UTRN: variants seen among roughly 807,000 people sequenced by gnomAD.
UTRN encodes dystrophin-related protein 1.
UTRN carries 283 observed loss-of-function variants against 463.9 expected under a neutral mutation model. The ratio of observed to expected loss-of-function variants is 0.61; its 90% confidence interval spans 0.55 to 0.67. UTRN has a LOEUF of 0.67. Ranked by LOEUF, UTRN falls within the 30% of genes least tolerant of loss-of-function variation. UTRN has a pLI of 0.00. For synonymous variants in UTRN, 1,442 were observed against 1,431.5 expected (o/e 1.01, Z -0.17); for missense variants, 3,922 against 4,084.3 (o/e 0.96, Z 1.08).
Position 144,675,778 on chromosome 6 carries a change from A to G in UTRN, c.7480-2628A>G, listed in dbSNP as rs1781526040. Among the ~76,000 whole-genome samples the G allele has an allele frequency of 2.0e-5, 3 of 152,182 alleles. No individual in the cohort carries two copies. The South Asian group carries it at 6.2e-4, about 32-fold the overall frequency. ...GTTGCTTCCTTGAAAGGGTCTGTGAATTCTTTTGGTTTTCCTGGTATGTTC... is the reference window on the plus strand; with the variant it reads ...GTTGCTTCCTTGAAAGGGTCTGTGAGTTCTTTTGGTTTTCCTGGTATGTTC... On this transcript the variant is annotated intron_variant, in intron 51 of 74. Transcript: ENST00000367545.
intron 68 of UTRN, 49 bp from the exon 69 acceptor site, chr6:144,828,741 C>G (rs753700377): frequency 6.4e-7 from 1 of 1,551,224 alleles, no homozygotes; most frequent in South Asian, 1.1e-5. Flanking sequence ...TCCAATTGAC[C>G]ATGTCCTATA....
chr6:144,354,393 A>T (rs1778374241), intron 2 of UTRN, among the ~76,000 whole-genome samples: 1 of 152,196 alleles, frequency 6.6e-6, no homozygotes, highest in South Asian at 2.1e-4. Context: ...CACCGAAAGG[A>T]CAATGCAAGT....
intron 2 of UTRN, among the ~76,000 whole-genome samples, chr6:144,392,428 T>C (rs1426281670): frequency 6.6e-6 from 1 of 152,238 alleles, no homozygotes; most frequent in Non-Finnish European, 1.5e-5. Flanking sequence ...GGGGCATGTC[T>C]AGAAAATATT....
chr6:144,342,418 A>T (rs1034065288), intron 2 of UTRN, among the ~76,000 whole-genome samples: 2 of 152,068 alleles, frequency 1.3e-5, no homozygotes, highest in African/African-American at 4.8e-5. Flanking sequence ...CACATCAAAA[A>T]CGTGTACACA....
chr6:144,350,271 T>A (rs991354733), intron 2 of UTRN, among the ~76,000 whole-genome samples: 17 of 149,774 alleles, frequency 1.1e-4, no homozygotes, highest in African/African-American at 3.8e-4. Context: ...AAAAAAAAAA[T>A]GTAATGCAAA....
intron 45 of UTRN, 54 bp from the exon 46 acceptor site, chr6:144,542,741 A>C: frequency 9.0e-6 from 14 of 1,550,836 alleles, no homozygotes; most frequent in Non-Finnish European, 1.1e-5. Context: ...TTTGAACTAC[A>C]GTCATCTTTA....
chr6:144,715,030 A>G (rs1420938032), intron 53 of UTRN, among the ~76,000 whole-genome samples: 1 of 151,996 alleles, frequency 6.6e-6, no homozygotes, highest in Non-Finnish European at 1.5e-5. Flanking sequence ...CCTTCTCTGT[A>G]TTCACTCCTT....
At position 144,721,621 on chromosome 6, in the gene UTRN, G is replaced by T. The variant is rs1164295019; in HGVS notation, c.7810-8736G>T. On this transcript the variant is annotated intron_variant, in intron 53 of 74. Transcript: ENST00000367545. ...ATACAATTTGTCTGGGAGGGGAATT[G>T]AAGGTCTTTTCACATATCTACTACA... Among the ~76,000 whole-genome samples, 3 of 152,154 alleles carry T rather than the reference G, an allele frequency of 2.0e-5. No homozygotes were observed. In the East Asian group the frequency reaches 5.8e-4, roughly 29 times the overall value.
At position 144,437,475 on chromosome 6, in the gene UTRN, CA is replaced by C. The variant is rs150484458; in HGVS notation, c.1060-89del. ...AGGCTACCTTTTTCTGCATCACTGACATTTAGGTTAGGCATTAGCAATTTGT... is the reference window on the plus strand; with the variant it reads ...AGGCTACCTTTTTCTGCATCACTGACTTTAGGTTAGGCATTAGCAATTTGT... On this transcript the variant is annotated intron_variant, in intron 10 of 74. Transcript: ENST00000367545. The C allele has an allele frequency of 2.6e-3, 3,416 of 1,301,820 alleles. 72 individuals carry two copies. In the African/African-American group the frequency reaches 0.046, roughly 17 times the overall value. The allele number at this position is 1,301,820 out of a possible 1,614,324, so 80.6% of individuals were successfully genotyped here. A position where few individuals can be genotyped will look rare whatever the true frequency, so the allele number is the denominator to read the frequency against.
At chr6:144,789,004 C>T (rs533605734) in intron 61 of UTRN, among the ~76,000 whole-genome samples, 190 bp from the exon 62 acceptor site, 3 of 152,204 alleles carry the variant, frequency 2.0e-5, no homozygotes, top group Admixed American at 1.3e-4. Flanking sequence ...GCCAAACACC[C>T]TGTTAATATA....
chr6:144,566,522 T>G (rs757994436), intron 50 of UTRN, among the ~76,000 whole-genome samples: 9 of 152,090 alleles, frequency 5.9e-5, no homozygotes, highest in Non-Finnish European at 1.0e-4. Flanking sequence ...CAGGATTGCC[T>G]GTGGTCCATA....
intron 48 of UTRN, among the ~76,000 whole-genome samples, chr6:144,552,510 T>C (rs1033321177): frequency 6.6e-6 from 1 of 152,226 alleles, no homozygotes; most frequent in Non-Finnish European, 1.5e-5. Context: ...ACCTCTCTTT[T>C]TGTCCAAAAC....
At chr6:144,650,606 G>A (rs962413698) in intron 51 of UTRN, among the ~76,000 whole-genome samples, 1 of 152,156 alleles carries the variant, frequency 6.6e-6, no homozygotes, top group Non-Finnish European at 1.5e-5. Context: ...ATTCAATCTG[G>A]CTTTTAATAA....
At chr6:144,805,245 G>A (rs546342473) in intron 65 of UTRN, among the ~76,000 whole-genome samples, 105 of 152,180 alleles carry the variant, frequency 6.9e-4, no homozygotes, top group African/African-American at 2.5e-3. Flanking sequence ...TAAGATTGTG[G>A]ACTTCCTGCT....
At chr6:144,557,382 G>A in intron 50 of UTRN, 71 bp downstream of exon 50, 1 of 1,501,742 alleles carries the variant, frequency 6.7e-7, no homozygotes, top group Non-Finnish European at 8.9e-7. Flanking sequence ...GCTTTCTCGT[G>A]GAAACCTGCC....
chr6:144,777,207 A>G (rs1476673501), intron 60 of UTRN, among the ~76,000 whole-genome samples: 2 of 152,176 alleles, frequency 1.3e-5, no homozygotes, highest in African/African-American at 2.4e-5. Context: ...AGATGTGTCC[A>G]AGGAGATTTA....
At chr6:144,534,283 G>A (rs1303174354) in intron 43 of UTRN, among the ~76,000 whole-genome samples, 1 of 152,184 alleles carries the variant, frequency 6.6e-6, no homozygotes, top group Non-Finnish European at 1.5e-5. Flanking sequence ...TAGGAGTCAT[G>A]ACTCACCTCT....
In UTRN at chr6:144,717,877, C is replaced by A. The variant is rs556608528; in HGVS notation, c.7810-12480C>A. Among the ~76,000 whole-genome samples the A allele has an allele frequency of 5.2e-4, 79 of 152,042 alleles. 2 individuals are homozygous for A. Among genetic ancestry groups the A allele is most frequent in the African/African-American group, 1.8e-3 (75 of 41,478 alleles). On this transcript the variant is annotated intron_variant, in intron 53 of 74. Transcript: ENST00000367545. Reference sequence around the variant, plus strand: ...GTCTCGAACTCCTGACCTCATGATCCACCCGCCTCAGCCTCCCAAAGTGCT... The same window carrying A: ...GTCTCGAACTCCTGACCTCATGATCAACCCGCCTCAGCCTCCCAAAGTGCT...
intron 34 of UTRN, among the ~76,000 whole-genome samples, chr6:144,504,594 C>T (rs1037824927): frequency 1.3e-5 from 2 of 152,164 alleles, no homozygotes; most frequent in South Asian, 2.1e-4. Flanking sequence ...AGCCTTGCAT[C>T]CCAGAGATGA....
Sources: gnomAD v4.1 joint callset for allele counts (sites outside exome capture counted in the v4.1 genomes callset) on GRCh38, gnomAD v4.1.1 for gene constraint, MANE v1.5 for transcripts, NCBI Gene and HGNC (gene_info 2026-07-23, HGNC 2026-07-21) for gene names.